Variants in ARHGAP24 observed in about 807,000 individuals in gnomAD.
ARHGAP24 encodes the protein rho GTPase-activating protein 24.
ARHGAP24 carries 50 observed loss-of-function variants against 76.4 expected under a neutral mutation model. The observed-to-expected ratio is 0.65, with a 90% CI of 0.52 to 0.83. The LOEUF (loss-of-function observed/expected upper bound fraction) is 0.83. ARHGAP24 is among the 40% of genes least tolerant of loss of function. The pLI, the probability that ARHGAP24 is intolerant of heterozygous loss-of-function variation, is 0.00. For missense variants in ARHGAP24, 930 were observed against 914.2 expected, an observed-to-expected ratio of 1.02 and a Z score of -0.22; for synonymous variants, 345 against 323.3, an observed-to-expected ratio of 1.07 and a Z score of -0.72.
chr4:85,909,720 A>G (rs1458185321), intron 3 of ARHGAP24, among the ~76,000 whole-genome samples: 4 of 152,246 alleles, frequency 2.6e-5, no homozygotes, highest in Non-Finnish European at 5.9e-5. Flanking sequence ...TATGAAATGC[A>G]CAGCATCAAT....
At chr4:85,650,638 T>C (rs754740861) in intron 2 of ARHGAP24, among the ~76,000 whole-genome samples, 9 of 149,434 alleles carry the variant, frequency 6.0e-5, no homozygotes, top group Non-Finnish European at 1.3e-4. Flanking sequence ...ACAATAATTA[T>C]TATTAATACT....
chr4:85,769,789 A>G (rs976245734), intron 3 of ARHGAP24, among the ~76,000 whole-genome samples: 3 of 151,990 alleles, frequency 2.0e-5, no homozygotes. Flanking sequence ...GGGTTTCACC[A>G]TGTTAGCCAG....
At chr4:85,488,467 G>T (rs1341489559) in intron 1 of ARHGAP24, among the ~76,000 whole-genome samples, 1 of 152,166 alleles carries the variant, frequency 6.6e-6, no homozygotes, top group Middle Eastern at 3.4e-3. Context: ...AGCATTGTAG[G>T]TCCTCTTAGA....
intron 2 of ARHGAP24, among the ~76,000 whole-genome samples, chr4:85,590,200 T>A (rs372252166): frequency 1.5e-4 from 5 of 33,852 alleles, no homozygotes; most frequent in African/African-American, 4.8e-4. Flanking sequence ...CTGCCTTCCT[T>A]CCTTCCTTCC....
chr4:85,548,912 G>A (rs900644754), intron 1 of ARHGAP24, among the ~76,000 whole-genome samples: 2 of 151,918 alleles, frequency 1.3e-5, no homozygotes, highest in Non-Finnish European at 2.9e-5. Context: ...TTATGGAATC[G>A]TGCAGTGACT....
intron 2 of ARHGAP24, among the ~76,000 whole-genome samples, chr4:85,695,949 T>C: frequency 6.6e-6 from 1 of 152,186 alleles, no homozygotes; most frequent in East Asian, 1.9e-4. Context: ...TTGACAATGT[T>C]ACAAATAATT....
chr4:85,684,481 A>G (rs1723347697), intron 2 of ARHGAP24, among the ~76,000 whole-genome samples: 2 of 152,280 alleles, frequency 1.3e-5, no homozygotes, highest in Non-Finnish European at 2.9e-5. Context: ...TGAAATGAGA[A>G]ATGGCCTGTG....
intron 3 of ARHGAP24, among the ~76,000 whole-genome samples, chr4:85,902,461 C>T (rs373014851): frequency 1.6e-4 from 25 of 152,284 alleles, no homozygotes; most frequent in African/African-American, 4.6e-4. Flanking sequence ...ACCATAGTTC[C>T]CTGTCTCAAA....
chr4:85,602,518 A>T (rs1469154310), intron 2 of ARHGAP24, among the ~76,000 whole-genome samples: 1 of 152,134 alleles, frequency 6.6e-6, no homozygotes, highest in Non-Finnish European at 1.5e-5. Context: ...ATTTTCACAT[A>T]AAAAATGTAA....
At chr4:85,699,491 A>G (rs1042736238) in intron 2 of ARHGAP24, among the ~76,000 whole-genome samples, 10 of 152,162 alleles carry the variant, frequency 6.6e-5, no homozygotes, top group African/African-American at 2.4e-4. Flanking sequence ...AGTCCCAGCT[A>G]GTTGGGAGGC....
chr4:85,625,916 T>C (rs1047515184), intron 2 of ARHGAP24, among the ~76,000 whole-genome samples: 2 of 152,178 alleles, frequency 1.3e-5, no homozygotes, highest in African/African-American at 4.8e-5. Flanking sequence ...TGTTTTCTAT[T>C]TGCTTGGTAG....
chr4:85,574,533 A>T (rs1727293456), intron 2 of ARHGAP24, among the ~76,000 whole-genome samples: 1 of 152,204 alleles, frequency 6.6e-6, no homozygotes, highest in Non-Finnish European at 1.5e-5. Context: ...AGATAGCTCC[A>T]TATTGCAAGG....
chr4:85,664,802 T>A (rs1449958515), intron 2 of ARHGAP24, among the ~76,000 whole-genome samples: 2 of 152,182 alleles, frequency 1.3e-5, no homozygotes, highest in African/African-American at 4.8e-5. Flanking sequence ...GGTTGTTCAG[T>A]TTCCACGTAG....
intron 1 of ARHGAP24, among the ~76,000 whole-genome samples, chr4:85,503,325 C>T (rs1345420143): frequency 6.6e-6 from 1 of 152,082 alleles, no homozygotes; most frequent in African/African-American, 2.4e-5. Flanking sequence ...TGATAGAATT[C>T]GGCTATAAAT....
chr4:85,992,414 C>T (rs1359812131), intron 8 of ARHGAP24, among the ~76,000 whole-genome samples: 1 of 152,088 alleles, frequency 6.6e-6, no homozygotes, highest in African/African-American at 2.4e-5. Context: ...TACACTTTGA[C>T]ATGGCTGTTC....
intron 1 of ARHGAP24, among the ~76,000 whole-genome samples, chr4:85,482,880 G>A (rs1165506769): frequency 2.6e-5 from 4 of 152,126 alleles, no homozygotes; most frequent in Non-Finnish European, 5.9e-5. Context: ...TGGTAGATCT[G>A]GGATTCAAAT....
At chr4:85,759,809 T>C (rs950876128) in intron 3 of ARHGAP24, among the ~76,000 whole-genome samples, 10 of 152,170 alleles carry the variant, frequency 6.6e-5, no homozygotes, top group African/African-American at 1.9e-4. Flanking sequence ...GCAGGCTTTA[T>C]CAATTCTTGG....
chr4:85,842,189 C>T (rs985780846), intron 3 of ARHGAP24, among the ~76,000 whole-genome samples: 4 of 151,762 alleles, frequency 2.6e-5, no homozygotes, highest in Admixed American at 2.6e-4. Flanking sequence ...GTATTCTTTG[C>T]CCCCCCGGCT....
At chr4:85,596,518 G>C (rs1177881609) in intron 2 of ARHGAP24, among the ~76,000 whole-genome samples, 1 of 152,042 alleles carries the variant, frequency 6.6e-6, no homozygotes, top group African/African-American at 2.4e-5. Context: ...CTTCTCAGGG[G>C]TTCAAGGAAT....
Sources: gnomAD v4.1 joint callset for allele counts (sites outside exome capture counted in the v4.1 genomes callset) on GRCh38, gnomAD v4.1.1 for gene constraint, MANE v1.5 for transcripts, NCBI Gene and HGNC (gene_info 2026-07-23, HGNC 2026-07-21) for gene names.